Variants in MAD1L1 observed in about 807,000 individuals in gnomAD.
MAD1L1 encodes the protein mitotic arrest deficient 1 like 1, also known as mitotic spindle assembly checkpoint protein MAD1.
Under a neutral mutation model 96.9 loss-of-function variants are expected in MAD1L1, and 95 were observed. That is an observed-to-expected ratio of 0.98 (90% CI 0.83 to 1.16). The LOEUF is 1.16. MAD1L1 is among the 50% of genes most tolerant of loss of function. MAD1L1 has a pLI of 0.00. For missense variants in MAD1L1, 1,007 were observed against 954.4 expected, an observed-to-expected ratio of 1.06 and a Z score of -0.73; for synonymous variants, 473 against 396.6, an observed-to-expected ratio of 1.19 and a Z score of -2.29.
intron 15 of MAD1L1, among the ~76,000 whole-genome samples, chr7:1,964,493 C>G (rs770412471): frequency 2.0e-5 from 3 of 152,182 alleles, no homozygotes; most frequent in Non-Finnish European, 4.4e-5. Flanking sequence ...TGCTACCGCA[C>G]AGAGAGCGAG....
intron 18 of MAD1L1, chr7:1,874,389 G>A (rs114897164): frequency 5.2e-4 from 202 of 386,226 alleles, no homozygotes; most frequent in African/African-American, 4.0e-3. Context: ...CAGCAGCACC[G>A]GGACGGGGGT....
chr7:1,821,330 C>G (rs1782115544), intron 18 of MAD1L1, among the ~76,000 whole-genome samples: 1 of 152,044 alleles, frequency 6.6e-6, no homozygotes. Context: ...TACTCAAAAT[C>G]TCCAGTCCCA....
At chr7:1,891,820 AT>A (rs1310732739) in intron 18 of MAD1L1, among the ~76,000 whole-genome samples, 3 of 152,176 alleles carry the variant, frequency 2.0e-5, no homozygotes, top group Non-Finnish European at 4.4e-5. Context: ...GGCTCAAGCG[AT>A]CCCCCCACTT....
chr7:2,009,876 C>T (rs1279255519), intron 13 of MAD1L1, among the ~76,000 whole-genome samples: 1 of 152,122 alleles, frequency 6.6e-6, no homozygotes, highest in African/African-American at 2.4e-5. Flanking sequence ...GGGGGTGGCA[C>T]CGGCGTGTCA....
chr7:2,203,005 G>T (rs1792394923), intron 10 of MAD1L1, among the ~76,000 whole-genome samples: 1 of 152,178 alleles, frequency 6.6e-6, no homozygotes, highest in African/African-American at 2.4e-5. Flanking sequence ...CAGCTGCCAG[G>T]ACTCTGAGCC....
intron 18 of MAD1L1, among the ~76,000 whole-genome samples, chr7:1,836,168 T>C (rs1354898422): frequency 6.6e-6 from 1 of 152,116 alleles, no homozygotes; most frequent in Non-Finnish European, 1.5e-5. Context: ...ATTACAGGCA[T>C]GCACCACCGT....
At chr7:2,170,852 T>C (rs960536852) in intron 10 of MAD1L1, among the ~76,000 whole-genome samples, 1 of 152,014 alleles carries the variant, frequency 6.6e-6, no homozygotes, top group African/African-American at 2.4e-5. Flanking sequence ...GTGCCTGCCG[T>C]GGGTACTGAG....
chr7:1,848,355 C>CG (rs1783757634), intron 18 of MAD1L1: 1 of 154,796 alleles, frequency 6.5e-6, no homozygotes, highest in African/African-American at 2.4e-5. Context: ...ACGGACAGCC[C>CG]GGGGTCTCAG....
chr7:1,980,685 C>A (rs750403138), intron 14 of MAD1L1, 144 bp from the exon 15 acceptor site: 1 of 724,478 alleles, frequency 1.4e-6, no homozygotes, highest in Non-Finnish European at 2.5e-6. Flanking sequence ...CTCCTGGAAG[C>A]CTGAAGCTGC....
intron 14 of MAD1L1, among the ~76,000 whole-genome samples, chr7:1,983,154 G>GCACACACA (rs976027470): frequency 1.6e-4 from 5 of 31,466 alleles, no homozygotes; most frequent in African/African-American, 6.5e-4. Context: ...GCGCGCGCGC[G>GCACACACA]CACACACACA....
At chr7:1,828,851 A>G (rs1782561280) in intron 18 of MAD1L1, among the ~76,000 whole-genome samples, 1 of 152,174 alleles carries the variant, frequency 6.6e-6, no homozygotes, top group African/African-American at 2.4e-5. Flanking sequence ...ACTTTGCTCC[A>G]TATGCCCAAA....
intron 18 of MAD1L1, among the ~76,000 whole-genome samples, chr7:1,826,739 G>A (rs1314342236): frequency 6.6e-6 from 1 of 152,276 alleles, no homozygotes; most frequent in African/African-American, 2.4e-5. Flanking sequence ...AAGTTCCAAA[G>A]AACGGAAGCT....
intron 11 of MAD1L1, among the ~76,000 whole-genome samples, chr7:2,147,550 C>A (rs955645570): frequency 2.0e-5 from 3 of 152,204 alleles, no homozygotes; most frequent in Non-Finnish European, 4.4e-5. Context: ...CTGAGGACCT[C>A]GTCTCACCCC....
chr7:1,973,378 C>A (rs1780488149), intron 15 of MAD1L1, among the ~76,000 whole-genome samples: 1 of 152,296 alleles, frequency 6.6e-6, no homozygotes, highest in African/African-American at 2.4e-5. Context: ...CATCCTGGTA[C>A]ACGCGGAGTG....
At chr7:1,854,938 C>T (rs901388065) in intron 18 of MAD1L1, among the ~76,000 whole-genome samples, 29 of 152,230 alleles carry the variant, frequency 1.9e-4, no homozygotes, top group African/African-American at 4.8e-5. Context: ...TGAGAGCTGC[C>T]GCTGTGGCTC....
At chr7:2,064,402 C>T (rs1473754368) in intron 12 of MAD1L1, among the ~76,000 whole-genome samples, 2 of 152,134 alleles carry the variant, frequency 1.3e-5, no homozygotes, top group South Asian at 2.1e-4. Flanking sequence ...CAGATTCCCT[C>T]GGGAAGGCAC....
At chr7:1,819,370 G>A (rs1230379763) in intron 18 of MAD1L1, among the ~76,000 whole-genome samples, 4 of 152,244 alleles carry the variant, frequency 2.6e-5, no homozygotes, top group East Asian at 1.9e-4. Flanking sequence ...GCTGGCGGGC[G>A]CCCTGGGGGA....
At chr7:1,941,003 T>C (rs1725085404) in intron 16 of MAD1L1, among the ~76,000 whole-genome samples, 1 of 151,070 alleles carries the variant, frequency 6.6e-6, no homozygotes, top group South Asian at 2.1e-4. Context: ...GGCCTCAGCC[T>C]CCTCTTCCTC....
At chr7:2,028,874 TG>T (rs10717086) in intron 12 of MAD1L1, among the ~76,000 whole-genome samples, 6,120 of 146,490 alleles carry the variant, frequency 0.042, 184 homozygotes, top group East Asian at 0.091. Context: ...ACAAGAAAAA[TG>T]AAAAAAAAAA....
Sources: gnomAD v4.1 joint callset for allele counts (sites outside exome capture counted in the v4.1 genomes callset) on GRCh38, gnomAD v4.1.1 for gene constraint, MANE v1.5 for transcripts, NCBI Gene and HGNC (gene_info 2026-07-23, HGNC 2026-07-21) for gene names.